The following PDE4D variants were observed in gnomAD, a reference collection of about 807,000 sequenced individuals.
PDE4D encodes phosphodiesterase 4D, also known as 3',5'-cyclic-AMP phosphodiesterase 4D.
In PDE4D, 24 loss-of-function variants were observed where a neutral mutation model predicts 87.4. The ratio of observed to expected loss-of-function variants is 0.27; its 90% CI spans 0.20 to 0.39. PDE4D has a LOEUF of 0.39. Ranked by LOEUF, PDE4D falls within the 10% of genes least tolerant of loss-of-function variation. The pLI, the probability that PDE4D is intolerant of heterozygous loss-of-function variation, is 1.00. For synonymous variants in PDE4D, 384 were observed against 383.2 expected (o/e 1.00, Z -0.02); for missense variants, 714 against 1,041.0 (o/e 0.69, Z 4.32).
At chr5:60,267,875 G>A (rs1050661390) in intron 1 of PDE4D, among the ~76,000 whole-genome samples, 3 of 152,100 alleles carry the variant, frequency 2.0e-5, no homozygotes, top group Non-Finnish European at 4.4e-5. Context: ...GATTTATCAG[G>A]GCGCTGTAGG....
intron 1 of PDE4D, among the ~76,000 whole-genome samples, chr5:59,624,807 T>C (rs370578042): frequency 6.6e-5 from 10 of 152,356 alleles, no homozygotes; most frequent in Non-Finnish European, 1.2e-4. Flanking sequence ...ATTGCTATAA[T>C]TGAGTTCCTA....
intron 5 of PDE4D, among the ~76,000 whole-genome samples, chr5:59,162,667 T>C (rs1292133672): frequency 6.7e-6 from 1 of 149,534 alleles, no homozygotes; most frequent in Non-Finnish European, 1.5e-5. Flanking sequence ...CGTGAGATCC[T>C]GTCTCTAAAA....
chr5:59,902,862 G>A (rs1347576049), intron 3 of PDE4D, among the ~76,000 whole-genome samples: 1 of 152,140 alleles, frequency 6.6e-6, no homozygotes, highest in Non-Finnish European at 1.5e-5. Context: ...TAAAACTGTT[G>A]TAGCACAAAA....
intron 1 of PDE4D, among the ~76,000 whole-genome samples, chr5:60,385,279 A>C (rs1003190141): frequency 6.6e-6 from 1 of 152,232 alleles, no homozygotes; most frequent in Non-Finnish European, 1.5e-5. Context: ...GTAAATGACC[A>C]GACAACTGCT....
At chr5:59,747,333 C>T in intron 1 of PDE4D, among the ~76,000 whole-genome samples, 1 of 152,306 alleles carries the variant, frequency 6.6e-6, no homozygotes, top group Non-Finnish European at 1.5e-5. Context: ...AATATGGCAG[C>T]ATAATCACTT....
At chr5:59,670,645 G>A (rs1388265704) in intron 1 of PDE4D, among the ~76,000 whole-genome samples, 7 of 151,968 alleles carry the variant, frequency 4.6e-5, no homozygotes, top group African/African-American at 1.5e-4. Context: ...AAACACTTCT[G>A]GTCCCAGGCA....
At chr5:60,086,612 T>A (rs1200189400) in intron 2 of PDE4D, among the ~76,000 whole-genome samples, 1 of 152,208 alleles carries the variant, frequency 6.6e-6, no homozygotes, top group African/African-American at 2.4e-5. Flanking sequence ...TAAGATAGTA[T>A]AAGGGGACAA....
At chr5:59,921,388 T>C (rs1193312821) in intron 3 of PDE4D, among the ~76,000 whole-genome samples, 1 of 152,102 alleles carries the variant, frequency 6.6e-6, no homozygotes, top group Non-Finnish European at 1.5e-5. Context: ...ACATTTGAAA[T>C]CAAAAGTTGA....
rs144372768 is a variant in PDE4D at position 59,617,802 on chromosome 5, ACT to A, written c.455+275364_455+275365del. On this transcript the variant is annotated intron_variant, in intron 1 of 14. Transcript: ENST00000340635. ...GAGACAACACATTTCTGTTTAAACC[ACT>A]CTGTTTCTAGTACTTTGTTTCAGCA... Among the ~76,000 whole-genome samples the A allele has an allele frequency of 2.1e-3, 315 of 151,780 alleles. 4 individuals are homozygous for A. The East Asian group carries it at 0.056, about 27-fold the overall frequency.
At chr5:59,588,266 T>A (rs1241055617) in intron 1 of PDE4D, among the ~76,000 whole-genome samples, 1 of 152,144 alleles carries the variant, frequency 6.6e-6, no homozygotes, top group Non-Finnish European at 1.5e-5. Context: ...GTTGCAAAAA[T>A]TCTGTTCAAT....
rs1050024670 is a variant in PDE4D at position 59,099,571 on chromosome 5, G to A, written c.809-60600C>T. ...GATGCGCCGCAAAATGTGACAGTACGAGTTACTGTTTGTAAAAGAGCAGAA... is the reference window on the plus strand; with the variant it reads ...GATGCGCCGCAAAATGTGACAGTACAAGTTACTGTTTGTAAAAGAGCAGAA... On this transcript the variant is annotated intron_variant, in intron 5 of 14. Transcript: ENST00000340635. Among the ~76,000 whole-genome samples, 4 of 148,796 alleles carry A rather than the reference G, an allele frequency of 2.7e-5. No individual in the cohort carries two copies. The South Asian group carries it at 6.2e-4, about 23-fold the overall frequency.
intron 1 of PDE4D, among the ~76,000 whole-genome samples, chr5:59,779,142 A>G (rs1222125307): frequency 6.6e-6 from 1 of 152,082 alleles, no homozygotes; most frequent in Non-Finnish European, 1.5e-5. Flanking sequence ...AGCCTGGGCA[A>G]CAGAGCAAGA....
At position 59,648,684 on chromosome 5, in the gene PDE4D, A is replaced by G. The variant is rs534195357; in HGVS notation, c.455+244484T>C. Among the ~76,000 whole-genome samples the G allele has an allele frequency of 1.3e-3, 199 of 151,642 alleles. 1 individual carries two copies. Among genetic ancestry groups the G allele is most frequent in the African/African-American group, 4.7e-3 (193 of 41,342 alleles). ...AGAAAATTCTCAAAAATGCTTCCACAAGAAGAATCCTTGAAGTAATTTAGG... is the reference window on the plus strand; with the variant it reads ...AGAAAATTCTCAAAAATGCTTCCACGAGAAGAATCCTTGAAGTAATTTAGG... On this transcript the variant is annotated intron_variant, in intron 1 of 14. Transcript: ENST00000340635.
rs560034386 is a variant in PDE4D, at chr5:60,277,110, A to G, written c.-89-91423T>C. Reference sequence around the variant, plus strand: ...GTATACATTTAAGGTATATAAAACAATATTTTATATACATATACATAATAA... The same window carrying G: ...GTATACATTTAAGGTATATAAAACAGTATTTTATATACATATACATAATAA... On this transcript the variant is annotated intron_variant, in intron 1 of 16. Coordinates refer to the PDE4D transcript ENST00000502484. Among the ~76,000 whole-genome samples, 28 of 152,028 alleles carry G rather than the reference A, an allele frequency of 1.8e-4. No homozygotes were observed. The South Asian group carries it at 5.8e-3, about 32-fold the overall frequency.
At chr5:60,133,142 C>T (rs1271108395) in intron 2 of PDE4D, among the ~76,000 whole-genome samples, 1 of 152,090 alleles carries the variant, frequency 6.6e-6, no homozygotes. Flanking sequence ...AGTCACCTAA[C>T]TTCTTTGAGT....
chr5:60,168,077 G>C (rs1783091696), intron 2 of PDE4D, among the ~76,000 whole-genome samples: 1 of 152,142 alleles, frequency 6.6e-6, no homozygotes, highest in African/African-American at 2.4e-5. Flanking sequence ...CTCTTAGCCT[G>C]GGATTGCTAC....
intron 1 of PDE4D, among the ~76,000 whole-genome samples, chr5:59,688,998 C>T (rs1750417170): frequency 6.6e-6 from 1 of 152,154 alleles, no homozygotes; most frequent in Non-Finnish European, 1.5e-5. Context: ...TGGACACATA[C>T]ACCCTCCCAA....
At chr5:59,592,186 A>G in intron 1 of PDE4D, 2 of 962,664 alleles carry the variant, frequency 2.1e-6, no homozygotes, top group Non-Finnish European at 2.5e-6. Flanking sequence ...CTCTATATTT[A>G]TAACACCAAA....
intron 1 of PDE4D, among the ~76,000 whole-genome samples, chr5:60,446,540 T>C (rs1016652440): frequency 1.3e-5 from 2 of 152,172 alleles, no homozygotes; most frequent in African/African-American, 4.8e-5. Context: ...CACCCCATAC[T>C]ACCTACCATA....
Sources: gnomAD v4.1 joint callset for allele counts (sites outside exome capture counted in the v4.1 genomes callset) on GRCh38, gnomAD v4.1.1 for gene constraint, MANE v1.5 for transcripts, NCBI Gene and HGNC (gene_info 2026-07-23, HGNC 2026-07-21) for gene names.